The following DPP10 variants were observed in gnomAD, a reference collection of about 807,000 sequenced individuals.
DPP10 encodes inactive dipeptidyl peptidase 10.
Under a neutral mutation model 120.9 loss-of-function variants are expected in DPP10, and 33 were observed. That is an observed-to-expected ratio of 0.27 (90% CI 0.21 to 0.37). The LOEUF is 0.37. Ranked by LOEUF, DPP10 falls within the 10% of genes least tolerant of loss-of-function variation. The pLI is 1.00. For missense variants in DPP10, 816 were observed against 942.8 expected, an observed-to-expected ratio of 0.87 and a Z score of 1.76; for synonymous variants, 337 against 326.1, an observed-to-expected ratio of 1.03 and a Z score of -0.36.
At chr2:114,673,500 A>G (rs1277998717) in intron 1 of DPP10, among the ~76,000 whole-genome samples, 2 of 151,888 alleles carry the variant, frequency 1.3e-5, no homozygotes, top group Admixed American at 6.6e-5. Flanking sequence ...CCTAGGCTAG[A>G]GTGCAGTAGC....
chr2:114,786,421 C>T (rs972456158), intron 1 of DPP10, among the ~76,000 whole-genome samples: 2 of 152,042 alleles, frequency 1.3e-5, no homozygotes, highest in African/African-American at 2.4e-5. Context: ...TTTCGAGAAG[C>T]GAGAGAAAGG....
At chr2:115,465,151 A>G (rs2074242158) in intron 3 of DPP10, among the ~76,000 whole-genome samples, 1 of 152,142 alleles carries the variant, frequency 6.6e-6, no homozygotes, top group Non-Finnish European at 1.5e-5. Flanking sequence ...TATTTTTCCT[A>G]TTACTTATAT....
intron 1 of DPP10, among the ~76,000 whole-genome samples, chr2:114,626,080 C>G (rs924359572): frequency 6.6e-6 from 1 of 151,208 alleles, no homozygotes; most frequent in African/African-American, 2.4e-5. Flanking sequence ...TTAATTTACC[C>G]TCATCAATCC....
intron 5 of DPP10, among the ~76,000 whole-genome samples, chr2:115,576,723 A>C (rs188152673): frequency 1.1e-4 from 16 of 152,292 alleles, no homozygotes; most frequent in Non-Finnish European, 2.1e-4. Flanking sequence ...CATCAAGGTC[A>C]ATGCACATGT....
intron 1 of DPP10, among the ~76,000 whole-genome samples, chr2:115,187,512 A>G (rs1162688646): frequency 6.6e-6 from 1 of 152,204 alleles, no homozygotes; most frequent in Non-Finnish European, 1.5e-5. Context: ...TGGTCGTGAA[A>G]ATTGTGAAAG....
intron 1 of DPP10, among the ~76,000 whole-genome samples, chr2:115,244,282 A>G (rs1356222814): frequency 1.4e-5 from 2 of 142,124 alleles, no homozygotes; most frequent in Admixed American, 7.2e-5. Flanking sequence ...AGAGAGAGAG[A>G]CATATATATG....
At chr2:114,939,024 T>A (rs1215116197) in intron 1 of DPP10, among the ~76,000 whole-genome samples, 2 of 152,108 alleles carry the variant, frequency 1.3e-5, no homozygotes, top group Non-Finnish European at 2.9e-5. Flanking sequence ...TACTTATGAG[T>A]GTGTATACAG....
intron 3 of DPP10, among the ~76,000 whole-genome samples, chr2:115,476,971 C>A (rs895291700): frequency 6.6e-6 from 1 of 152,100 alleles, no homozygotes; most frequent in South Asian, 2.1e-4. Flanking sequence ...AATACCCTTT[C>A]GTGATGAAAA....
chr2:115,555,874 T>C (rs1020350127), intron 5 of DPP10, among the ~76,000 whole-genome samples: 2 of 152,104 alleles, frequency 1.3e-5, no homozygotes, highest in Non-Finnish European at 1.5e-5. Context: ...CTTTTTGTCA[T>C]GTATGTGTGG....
intron 7 of DPP10, among the ~76,000 whole-genome samples, chr2:115,697,716 T>C (rs1249438306): frequency 2.0e-5 from 3 of 152,120 alleles, no homozygotes; most frequent in Non-Finnish European, 4.4e-5. Flanking sequence ...CCAGGTGCAG[T>C]GGCTGACGCC....
chr2:114,734,847 C>A (rs571806212), intron 1 of DPP10, among the ~76,000 whole-genome samples: 1 of 152,124 alleles, frequency 6.6e-6, no homozygotes, highest in African/African-American at 2.4e-5. Flanking sequence ...CTACCACAGA[C>A]TAGATGAGTT....
intron 1 of DPP10, among the ~76,000 whole-genome samples, chr2:114,821,124 T>C (rs902684536): frequency 2.6e-5 from 4 of 152,136 alleles, no homozygotes; most frequent in Non-Finnish European, 5.9e-5. Context: ...ATGAGTAGGC[T>C]GGAGGAGGTG....
chr2:114,959,778 G>T (rs1214786303), intron 1 of DPP10, among the ~76,000 whole-genome samples: 1 of 152,154 alleles, frequency 6.6e-6, no homozygotes, highest in Non-Finnish European at 1.5e-5. Context: ...ATATGCAGTT[G>T]AATGCTATTA....
At chr2:115,734,681 A>G (rs1027053153) in intron 8 of DPP10, among the ~76,000 whole-genome samples, 7 of 130,778 alleles carry the variant, frequency 5.4e-5, no homozygotes, top group Non-Finnish European at 9.9e-5. Flanking sequence ...AAAAAAAAAA[A>G]AGAACTTAGA....
chr2:114,918,756 T>C (rs1694985252), intron 1 of DPP10, among the ~76,000 whole-genome samples: 1 of 152,068 alleles, frequency 6.6e-6, no homozygotes, highest in Admixed American at 6.6e-5. Context: ...AGTACACATG[T>C]ACACAAAGAG....
chr2:115,041,984 A>T (rs1389153437), intron 1 of DPP10, among the ~76,000 whole-genome samples: 4 of 149,064 alleles, frequency 2.7e-5, no homozygotes, highest in African/African-American at 9.8e-5. Context: ...CCTTTTCTCA[A>T]ATTAAACTGT....
At chr2:114,534,928 T>A (rs1356069259) in intron 1 of DPP10, among the ~76,000 whole-genome samples, 3 of 152,158 alleles carry the variant, frequency 2.0e-5, no homozygotes, top group Non-Finnish European at 4.4e-5. Flanking sequence ...ATTTGAGGAT[T>A]CTGTGGTGTA....
intron 1 of DPP10, among the ~76,000 whole-genome samples, chr2:114,610,361 C>T (rs903686589): frequency 2.0e-5 from 3 of 152,138 alleles, no homozygotes; most frequent in South Asian, 2.1e-4. Context: ...CCTAGGGGAA[C>T]GGATATCCTA....
intron 1 of DPP10, among the ~76,000 whole-genome samples, chr2:115,002,708 A>G (rs1701524645): frequency 6.6e-6 from 1 of 152,188 alleles, no homozygotes; most frequent in South Asian, 2.1e-4. Context: ...AAGAACATGA[A>G]CAGACACTTA....
Sources: gnomAD v4.1 joint callset for allele counts (sites outside exome capture counted in the v4.1 genomes callset) on GRCh38, gnomAD v4.1.1 for gene constraint, MANE v1.5 for transcripts, NCBI Gene and HGNC (gene_info 2026-07-23, HGNC 2026-07-21) for gene names.